NXPE2: variants seen among roughly 807,000 people sequenced by gnomAD.
The protein encoded by NXPE2 is neurexophilin and PC-esterase domain family member 2.
In NXPE2, 34 loss-of-function variants were observed where a neutral mutation model predicts 34.4. The ratio of observed to expected loss-of-function variants is 0.99; its 90% confidence interval spans 0.75 to 1.31. The LOEUF is 1.31. Among genes scored for constraint, NXPE2 ranks in the 40% most tolerant of loss-of-function variants. The pLI is 0.00. For missense variants in NXPE2, 649 were observed against 672.5 expected, an observed-to-expected ratio of 0.97 and a Z score of 0.39; for synonymous variants, 235 against 231.3, an observed-to-expected ratio of 1.02 and a Z score of -0.15.
chr11:114,645,006 TA>T, the NXPE2 span, among the ~76,000 whole-genome samples: 503 of 145,024 alleles, frequency 3.5e-3, 2 homozygotes, highest in African/African-American at 9.3e-3. Flanking sequence ...TTCACACTAT[TA>T]AAAAAAAAAA....
the NXPE2 span, among the ~76,000 whole-genome samples, chr11:114,798,397 CCTTTTCTTCT>C: frequency 2.0e-5 from 3 of 152,004 alleles, no homozygotes; most frequent in Non-Finnish European, 2.9e-5. Flanking sequence ...CCTTCCCTTC[CCTTTTCTTCT>C]TTCCAGAGTC....
At chr11:114,639,079 A>G in the NXPE2 span, among the ~76,000 whole-genome samples, 1 of 152,158 alleles carries the variant, frequency 6.6e-6, no homozygotes, top group East Asian at 1.9e-4. Flanking sequence ...GGTGGAGCCT[A>G]CAGAGGCAGG....
At chr11:114,557,020 G>A in the NXPE2 span, among the ~76,000 whole-genome samples, 1 of 151,772 alleles carries the variant, frequency 6.6e-6, no homozygotes, top group Non-Finnish European at 1.5e-5. Context: ...AGCCTCCTGA[G>A]TAGCTGGGAT....
chr11:114,483,325 A>G, the NXPE2 span, among the ~76,000 whole-genome samples: 2 of 152,240 alleles, frequency 1.3e-5, no homozygotes. Flanking sequence ...GTAGTATTAC[A>G]TAGTGGTTAG....
At chr11:114,668,834 C>A in the NXPE2 span, among the ~76,000 whole-genome samples, 2 of 151,996 alleles carry the variant, frequency 1.3e-5, no homozygotes, top group African/African-American at 4.8e-5. Flanking sequence ...AATAACTGGA[C>A]AAAATCATCA....
the NXPE2 span, among the ~76,000 whole-genome samples, chr11:114,634,580 G>A: frequency 6.6e-6 from 1 of 151,928 alleles, no homozygotes; most frequent in South Asian, 2.1e-4. Context: ...TTTCTTCTAG[G>A]GTTTTTATGG....
At chr11:114,765,518 CA>C in the NXPE2 span, among the ~76,000 whole-genome samples, 4 of 151,432 alleles carry the variant, frequency 2.6e-5, no homozygotes, top group Non-Finnish European at 5.9e-5. Context: ...ACTGGGAAAC[CA>C]AAAAAAAGTG....
chr11:114,557,705 G>A, the NXPE2 span, among the ~76,000 whole-genome samples: 11 of 139,964 alleles, frequency 7.9e-5, no homozygotes, highest in East Asian at 2.3e-3. Flanking sequence ...TGTACATTTA[G>A]TTTCCTTCTT....
chr11:114,669,270 T>C, the NXPE2 span, among the ~76,000 whole-genome samples: 3 of 152,102 alleles, frequency 2.0e-5, no homozygotes, highest in Non-Finnish European at 4.4e-5. Flanking sequence ...AAGAAAATCT[T>C]CTATATCTCA....
At chr11:114,785,835 T>C in the NXPE2 span, among the ~76,000 whole-genome samples, 3 of 152,164 alleles carry the variant, frequency 2.0e-5, no homozygotes, top group African/African-American at 7.2e-5. Flanking sequence ...TATCACACTC[T>C]AGGCAGGGCA....
At chr11:114,502,085 T>C in the NXPE2 span, among the ~76,000 whole-genome samples, 1 of 152,298 alleles carries the variant, frequency 6.6e-6, no homozygotes, top group Non-Finnish European at 1.5e-5. Flanking sequence ...CTCTGGTCTC[T>C]ACCCACTAAA....
the NXPE2 span, chr11:114,584,328 C>G: frequency 2.1e-6 from 1 of 484,356 alleles, no homozygotes; most frequent in Non-Finnish European, 4.2e-6. Context: ...CTAATGAGTA[C>G]CTGGAGAAGA....
Position 114,706,474 on chromosome 11 carries a change from T to G in NXPE2, c.1224T>G (p.Ile408Met). The change falls in exon 6 of 6, where the codon ATT (isoleucine) becomes ATG (methionine). Residue 408 changes from isoleucine (I) to methionine (M), a missense_variant. Ile to Met is a conservative substitution (Grantham distance 10, BLOSUM62 1). Coordinates refer to ENST00000389586, the MANE Select transcript of NXPE2 (RefSeq NM_182495.6). ...TGGATGTTGAAAGACATATTTTGAT[T>G]CAGTGGAAAAAACATGGTCATCCAT... ...VLLDVERHIL[I>M]QWKKHGHPFV... is the part of the protein sequence containing the mutation. The G allele has an allele frequency of 6.4e-7, 1 of 1,551,612 alleles. No individual in the cohort carries two copies. Among genetic ancestry groups the G allele is most frequent in the Non-Finnish European group, 8.7e-7 (1 of 1,146,792 alleles).
At chr11:114,570,274 G>A in the NXPE2 span, among the ~76,000 whole-genome samples, 2 of 152,118 alleles carry the variant, frequency 1.3e-5, no homozygotes, top group Non-Finnish European at 2.9e-5. Flanking sequence ...TTACAGGTGT[G>A]AGCCACTGCA....
At chr11:114,608,727 G>A in the NXPE2 span, among the ~76,000 whole-genome samples, 36 of 151,864 alleles carry the variant, frequency 2.4e-4, 1 homozygote, top group African/African-American at 7.2e-4. Context: ...GTACTGCCTC[G>A]TGGGTAACCA....
At chr11:114,469,533 G>C in the NXPE2 span, among the ~76,000 whole-genome samples, 1 of 151,146 alleles carries the variant, frequency 6.6e-6, no homozygotes, top group South Asian at 2.1e-4. Flanking sequence ...ACTCTCGCCT[G>C]GGCTAGAGTG....
At chr11:114,628,302 G>T in the NXPE2 span, among the ~76,000 whole-genome samples, 3 of 151,482 alleles carry the variant, frequency 2.0e-5, no homozygotes, top group African/African-American at 7.3e-5. Context: ...TAAAAGAACA[G>T]AAATTATAAC....
chr11:114,776,229 C>T, the NXPE2 span, among the ~76,000 whole-genome samples: 1 of 152,246 alleles, frequency 6.6e-6, no homozygotes, highest in Admixed American at 6.5e-5. Context: ...CGTGTCCGGG[C>T]ACAGGAGAGC....
the NXPE2 span, among the ~76,000 whole-genome samples, chr11:114,770,226 G>T: frequency 9.2e-5 from 14 of 152,206 alleles, 1 homozygote; most frequent in African/African-American, 3.1e-4. Flanking sequence ...GTGGGTTGAG[G>T]TCAGTCTGGT....
Sources: gnomAD v4.1 joint callset for allele counts (sites outside exome capture counted in the v4.1 genomes callset) on GRCh38, gnomAD v4.1.1 for gene constraint, MANE v1.5 for transcripts, NCBI Gene and HGNC (gene_info 2026-07-23, HGNC 2026-07-21) for gene names.